Variants in FMNL2 observed in about 807,000 individuals in gnomAD.
FMNL2 encodes formin-like protein 2.
FMNL2 carries 51 observed loss-of-function variants against 130.2 expected under a neutral mutation model. The ratio of observed to expected loss-of-function variants is 0.39; its 90% CI spans 0.31 to 0.49. FMNL2 has a LOEUF of 0.49. Ranked by LOEUF, FMNL2 falls within the 20% of genes least tolerant of loss-of-function variation. FMNL2 has a pLI of 0.85. For missense variants in FMNL2, 977 were observed against 1,316.2 expected (o/e 0.74, Z 3.99); for synonymous variants, 465 against 467.1 (o/e 1.00, Z 0.06).
intron 9 of FMNL2, among the ~76,000 whole-genome samples, chr2:152,597,692 C>T (rs868607472): frequency 2.0e-5 from 3 of 152,296 alleles, no homozygotes; most frequent in Middle Eastern, 6.8e-3. Context: ...TAAGTAACAT[C>T]TTAGTAGTAT....
At chr2:152,361,169 T>C (rs1683147626) in intron 1 of FMNL2, among the ~76,000 whole-genome samples, 1 of 152,000 alleles carries the variant, frequency 6.6e-6, no homozygotes, top group African/African-American at 2.4e-5. Flanking sequence ...TGTAAAAGGC[T>C]TTTTTTTATT....
chr2:152,546,017 C>T (rs952000372), intron 3 of FMNL2, among the ~76,000 whole-genome samples: 4 of 152,232 alleles, frequency 2.6e-5, no homozygotes, highest in East Asian at 1.9e-4. Flanking sequence ...ATTACCTCAT[C>T]GTGTTTTGAT....
At chr2:152,474,792 T>C (rs1690057223) in intron 1 of FMNL2, among the ~76,000 whole-genome samples, 1 of 152,350 alleles carries the variant, frequency 6.6e-6, no homozygotes, top group East Asian at 1.9e-4. Context: ...TGGGTCTGAA[T>C]GGACCTATGG....
At chr2:152,499,230 A>C (rs1691677405) in intron 1 of FMNL2, among the ~76,000 whole-genome samples, 1 of 152,244 alleles carries the variant, frequency 6.6e-6, no homozygotes, top group South Asian at 2.1e-4. Context: ...AAGCTCATCC[A>C]ACTTCACAGC....
At chr2:152,386,695 G>A (rs1053145536) in intron 1 of FMNL2, among the ~76,000 whole-genome samples, 1 of 152,058 alleles carries the variant, frequency 6.6e-6, no homozygotes, top group Non-Finnish European at 1.5e-5. Context: ...ATTACCTTGA[G>A]GCCTGGAGAT....
intron 3 of FMNL2, among the ~76,000 whole-genome samples, chr2:152,545,817 T>A (rs976399026): frequency 2.0e-5 from 3 of 152,196 alleles, no homozygotes; most frequent in Admixed American, 1.3e-4. Flanking sequence ...GCACTCATTG[T>A]GTATATATTA....
intron 15 of FMNL2, among the ~76,000 whole-genome samples, chr2:152,619,984 C>G (rs544100820): frequency 6.6e-6 from 1 of 152,030 alleles, no homozygotes; most frequent in Non-Finnish European, 1.5e-5. Context: ...CTGGCCCCAC[C>G]GAGAGAATGG....
intron 7 of FMNL2, 63 bp from the exon 8 acceptor site, chr2:152,578,825 T>C: frequency 7.1e-7 from 1 of 1,417,734 alleles, no homozygotes; most frequent in Non-Finnish European, 9.7e-7. Flanking sequence ...AAATCAATAC[T>C]GACAGTTCCC....
chr2:152,364,382 A>T (rs1382718079), intron 1 of FMNL2, among the ~76,000 whole-genome samples: 3 of 151,184 alleles, frequency 2.0e-5, no homozygotes, highest in Non-Finnish European at 4.4e-5. Flanking sequence ...GGAGTTATTA[A>T]ACCTAAGGGG....
intron 1 of FMNL2, among the ~76,000 whole-genome samples, chr2:152,500,512 A>T (rs1691755745): frequency 6.6e-6 from 1 of 152,118 alleles, no homozygotes. Flanking sequence ...CAGCAAATAG[A>T]TCCCCTACCC....
intron 1 of FMNL2, among the ~76,000 whole-genome samples, chr2:152,418,749 C>T (rs1196077380): frequency 6.6e-6 from 1 of 152,160 alleles, no homozygotes; most frequent in Non-Finnish European, 1.5e-5. Flanking sequence ...GGTTATTCTA[C>T]ATAATGCTAC....
chr2:152,409,754 A>G (rs2105994705), intron 1 of FMNL2, among the ~76,000 whole-genome samples: 1 of 152,272 alleles, frequency 6.6e-6, no homozygotes, highest in South Asian at 2.1e-4. Flanking sequence ...TTTTTCCCCC[A>G]TTTAATCCTT....
chr2:152,575,018 C>T (rs1032354978), intron 6 of FMNL2, 118 bp from the exon 7 acceptor site: 24 of 567,162 alleles, frequency 4.2e-5, no homozygotes, highest in African/African-American at 1.3e-4. Flanking sequence ...CATTTGGTGG[C>T]GGTTTTAACC....
At chr2:152,419,211 A>G (rs1166401130) in intron 1 of FMNL2, among the ~76,000 whole-genome samples, 1 of 152,152 alleles carries the variant, frequency 6.6e-6, no homozygotes, top group Non-Finnish European at 1.5e-5. Context: ...AGGGGGTACA[A>G]AGTGATGTAA....
chr2:152,396,551 AGGTCCT>A (rs1033656757), intron 1 of FMNL2, among the ~76,000 whole-genome samples: 9 of 152,228 alleles, frequency 5.9e-5, no homozygotes, highest in Admixed American at 2.6e-4. Context: ...AGAGCCTGTG[AGGTCCT>A]GGCTTAGATG....
In FMNL2 at chr2:152,522,017, T is replaced by C; in HGVS notation, c.192T>C (p.Ile64=). The change falls in exon 2 of 26, where the codon ATT becomes ATC. Residue 64 remains isoleucine (I), a synonymous_variant. Transcript: ENST00000288670. ...ATAATGAGAAAAAATGGGAACTGAT[T>C]TGTGATCAGGTAAGAAACAGTGACA... is the stretch of plus-strand genomic sequence containing the variant. ...QYDNEKKWEL[I]CDQERFQVKN... is the part of the protein sequence containing the mutation. 1 of 1,610,058 alleles carries C rather than the reference T, an allele frequency of 6.2e-7. No homozygotes were observed. The highest frequency in any genetic ancestry group is 8.5e-7 in the Non-Finnish European group (1 of 1,178,828).
intron 1 of FMNL2, among the ~76,000 whole-genome samples, chr2:152,395,658 C>T (rs1390444227): frequency 2.6e-5 from 4 of 152,192 alleles, no homozygotes; most frequent in South Asian, 4.1e-4. Flanking sequence ...TGGAGAAAAA[C>T]AAGAATGACT....
At chr2:152,389,118 A>G (rs1440874503) in intron 1 of FMNL2, among the ~76,000 whole-genome samples, 1 of 151,386 alleles carries the variant, frequency 6.6e-6, no homozygotes, top group Admixed American at 6.6e-5. Flanking sequence ...TTTTTTTTCT[A>G]TAAAGCCTAA....
chr2:152,427,669 A>T (rs1382638077), intron 1 of FMNL2, among the ~76,000 whole-genome samples: 1 of 152,212 alleles, frequency 6.6e-6, no homozygotes, highest in Admixed American at 6.5e-5. Flanking sequence ...TGTGAAATGA[A>T]AACATTTCAA....
Sources: allele counts gnomAD v4.1 joint callset (sites outside exome capture counted in the v4.1 genomes callset), GRCh38; gene constraint gnomAD v4.1.1; transcripts MANE v1.5; gene names NCBI Gene and HGNC (gene_info 2026-07-23, HGNC 2026-07-21).